INSR: variants seen among roughly 807,000 people sequenced by gnomAD.
INSR encodes the protein insulin receptor, also known as IR.
Under a neutral mutation model 142.6 loss-of-function variants are expected in INSR, and 67 were observed. That is an observed-to-expected ratio of 0.47 (90% CI 0.39 to 0.58). INSR has a LOEUF of 0.58. Among genes scored for constraint, INSR ranks in the 20% least tolerant of loss-of-function variants. INSR has a pLI of 0.00. For synonymous variants in INSR, 756 were observed against 743.1 expected (o/e 1.02, Z -0.28); for missense variants, 1,248 against 1,833.2 (o/e 0.68, Z 5.83).
intron 9 of INSR, among the ~76,000 whole-genome samples, chr19:7,161,013 AAATAAT>A (rs957223863): frequency 6.8e-6 from 1 of 146,092 alleles, no homozygotes; most frequent in Non-Finnish European, 1.5e-5. Context: ...AAAAAAAAGA[AAATAAT>A]AATAATAATA....
chr19:7,206,074 T>C (rs1223825870), intron 2 of INSR, among the ~76,000 whole-genome samples: 2 of 152,152 alleles, frequency 1.3e-5, no homozygotes, highest in East Asian at 1.9e-4. Flanking sequence ...TGGGCTGACT[T>C]GAATACTGGA....
intron 2 of INSR, among the ~76,000 whole-genome samples, chr19:7,242,939 A>C (rs1976404518): frequency 6.6e-6 from 1 of 152,126 alleles, no homozygotes; most frequent in African/African-American, 2.4e-5. Context: ...GCTAAAGCAG[A>C]GAAAAATGAG....
At chr19:7,286,903 G>A (rs1388332831) in intron 1 of INSR, among the ~76,000 whole-genome samples, 3 of 152,072 alleles carry the variant, frequency 2.0e-5, no homozygotes, top group Admixed American at 6.6e-5. Flanking sequence ...CTGGAGTGCA[G>A]TGGTACAATC....
intron 2 of INSR, among the ~76,000 whole-genome samples, chr19:7,265,811 G>T (rs985123444): frequency 6.6e-6 from 1 of 151,900 alleles, no homozygotes; most frequent in African/African-American, 2.4e-5. Flanking sequence ...CTTTCTAAGT[G>T]TAAAGTACAG....
intron 2 of INSR, among the ~76,000 whole-genome samples, chr19:7,263,468 C>T (rs1977126448): frequency 6.6e-6 from 1 of 152,116 alleles, no homozygotes; most frequent in South Asian, 2.1e-4. Flanking sequence ...ATACCACATG[C>T]CAGGAACCCG....
intron 7 of INSR, 26 bp downstream of exon 7, chr19:7,167,942 A>T (rs1271821832): frequency 6.2e-7 from 1 of 1,613,696 alleles, no homozygotes; most frequent in Admixed American, 1.7e-5. Context: ...TCGCCTCCTC[A>T]GCGTCTCTCT....
intron 2 of INSR, among the ~76,000 whole-genome samples, chr19:7,208,896 G>A (rs1230406281): frequency 6.6e-6 from 1 of 152,026 alleles, no homozygotes; most frequent in African/African-American, 2.4e-5. Context: ...CCAGCTACTC[G>A]AGAGGCAGAA....
chr19:7,182,646 C>T (rs1974303652), intron 3 of INSR, among the ~76,000 whole-genome samples: 1 of 152,052 alleles, frequency 6.6e-6, no homozygotes, highest in Admixed American at 6.6e-5. Context: ...TCCCAGATAC[C>T]AAGGATGTGC....
At chr19:7,284,927 C>T (rs530601270) in intron 1 of INSR, among the ~76,000 whole-genome samples, 1 of 152,250 alleles carries the variant, frequency 6.6e-6, no homozygotes, top group East Asian at 1.9e-4. Flanking sequence ...ATTTGAGACT[C>T]GTACTTATGA....
chr19:7,269,376 AACAC>A (rs60776874), intron 1 of INSR, among the ~76,000 whole-genome samples: 14,572 of 134,202 alleles, frequency 0.11, 812 homozygotes, highest in Admixed American at 0.17. Flanking sequence ...AAGTCGAGAA[AACAC>A]ACACACACAC....
At chr19:7,169,149 C>A (rs1452040275) in intron 6 of INSR, among the ~76,000 whole-genome samples, 3 of 152,166 alleles carry the variant, frequency 2.0e-5, no homozygotes, top group Admixed American at 1.3e-4. Context: ...TGCAGACAAC[C>A]GTGGCCTTGA....
At chr19:7,278,950 G>C (rs1339940328) in intron 1 of INSR, among the ~76,000 whole-genome samples, 2 of 152,106 alleles carry the variant, frequency 1.3e-5, no homozygotes, top group African/African-American at 4.8e-5. Flanking sequence ...CCAACATGGG[G>C]AAACCTCATC....
chr19:7,189,666 T>C lies in INSR; in HGVS notation c.653-5029A>G, dbSNP rs995916688. ...ACCTGTAATTGATTTTACTATTACT[T>C]TTTTTTTTTTTTTTTGAAACCGAGT... On this transcript the variant is annotated intron_variant, in intron 2 of 21. Coordinates refer to ENST00000302850, the MANE Select transcript of INSR (RefSeq NM_000208.4). Among the ~76,000 whole-genome samples the C allele has an allele frequency of 2.7e-4, 27 of 101,154 alleles. 1 individual carries two copies. Among genetic ancestry groups the C allele is most frequent in the African/African-American group, 1.3e-3 (21 of 15,732 alleles). 66.4% of individuals were successfully genotyped at this position (101,154 alleles called of 152,430 possible). A position where few individuals can be genotyped will look rare whatever the true frequency, so the allele number is the denominator to read the frequency against.
intron 2 of INSR, among the ~76,000 whole-genome samples, chr19:7,266,108 T>C (rs1418754394): frequency 6.6e-6 from 1 of 152,048 alleles, no homozygotes; most frequent in Non-Finnish European, 1.5e-5. Context: ...GAAATGCAAA[T>C]AGAAACAATG....
chr19:7,224,205 G>T (rs1228275639), intron 2 of INSR, among the ~76,000 whole-genome samples: 1 of 150,074 alleles, frequency 6.7e-6, no homozygotes, highest in East Asian at 2.0e-4. Context: ...GCCTCCCAAA[G>T]TGCTGGGATT....
intron 1 of INSR, among the ~76,000 whole-genome samples, chr19:7,292,108 T>C (rs1968509130): frequency 6.7e-6 from 1 of 150,120 alleles, no homozygotes; most frequent in Non-Finnish European, 1.5e-5. Flanking sequence ...TTTTATTTTT[T>C]TGAGACAAAG....
intron 9 of INSR, among the ~76,000 whole-genome samples, chr19:7,156,782 CTTTT>C (rs746400499): frequency 1.6e-5 from 1 of 63,178 alleles, no homozygotes; most frequent in Non-Finnish European, 2.9e-5. Context: ...CTATTTCTCT[CTTTT>C]TTTTTTTTTT....
chr19:7,248,739 T>C (rs1236363073), intron 2 of INSR, among the ~76,000 whole-genome samples: 1 of 146,326 alleles, frequency 6.8e-6, no homozygotes, highest in Non-Finnish European at 1.5e-5. Context: ...CCTGGACTAT[T>C]CCCGGTTGGC....
rs1972355700 is a variant in INSR at position 7,117,202 on chromosome 19, A to T, written c.4003T>A (p.Cys1335Ser). Residue 1335 changes from cysteine to serine, a missense_variant, in exon 22 of 22, where the codon TGT becomes AGT. This residue lies in a region of INSR where 122 missense variants were observed against 129.8 expected (regional missense o/e 0.94). Coordinates refer to ENST00000302850, the MANE Select transcript of INSR (RefSeq NM_000208.4). ...ENVPLDRSSH[C>S]QREEAGGRDG... ...CGGCCCCCCGCCTCCTCCCTCTGAC[A>T]GTGCGAGGAACGGTCCAGGGGCACA... 6.2e-7 allele frequency: 1 copy of T among 1,614,038 alleles called. No homozygotes were observed. The highest frequency in any genetic ancestry group is 1.7e-5 in the Admixed American group (1 of 59,992).
Sources: allele counts gnomAD v4.1 joint callset (sites outside exome capture counted in the v4.1 genomes callset), GRCh38; gene constraint gnomAD v4.1.1; regional missense constraint gnomAD v4.1.1; transcripts MANE v1.5; gene names NCBI Gene and HGNC (gene_info 2026-07-23, HGNC 2026-07-21).